Variants in PPM1L observed in about 807,000 individuals in gnomAD.
PPM1L encodes protein phosphatase 1L.
PPM1L carries 13 observed loss-of-function variants against 31.4 expected under a neutral mutation model. The ratio of observed to expected loss-of-function variants is 0.41; its 90% confidence interval spans 0.27 to 0.66. The LOEUF (loss-of-function observed/expected upper bound fraction) is 0.66, where lower values mean the gene tolerates loss of function less well. Among genes scored for constraint, PPM1L ranks in the 30% least tolerant of loss-of-function variants. PPM1L has a pLI of 0.29. For missense variants in PPM1L, 326 were observed against 453.7 expected, an observed-to-expected ratio of 0.72 and a Z score of 2.56; for synonymous variants, 184 against 175.4, an observed-to-expected ratio of 1.05 and a Z score of -0.39.
intron 1 of PPM1L, among the ~76,000 whole-genome samples, chr3:160,921,968 T>C (rs1714420065): frequency 6.6e-6 from 1 of 152,140 alleles, no homozygotes. Flanking sequence ...CATTTCTCAG[T>C]ATACAAAGGT....
chr3:161,015,850 C>T (rs558209673), intron 2 of PPM1L, among the ~76,000 whole-genome samples: 1 of 152,238 alleles, frequency 6.6e-6, no homozygotes, highest in Admixed American at 6.5e-5. Flanking sequence ...ACAGATGAGC[C>T]TTGTGACTTA....
At position 160,850,962 on chromosome 3, in the gene PPM1L, T is replaced by TC. The variant is rs550357524; in HGVS notation, c.399+94261dup. ...TTTTCCCATACTTGTCAGAGAGTAA[T>TC]CCCCCCACCCCACCTCCCTGTTTTC... On this transcript the variant is annotated intron_variant, in intron 1 of 3. Coordinates refer to ENST00000498165, the MANE Select transcript of PPM1L (RefSeq NM_139245.4). Among the ~76,000 whole-genome samples the TC allele has an allele frequency of 2.3e-4, 35 of 151,686 alleles. No individual in the cohort carries two copies. In the East Asian group the frequency reaches 2.5e-3, roughly 11 times the overall value.
chr3:161,013,606 C>G lies in PPM1L; in HGVS notation c.574+51696C>G, dbSNP rs1014990587. 1.7e-3 allele frequency among the ~76,000 whole-genome samples: 255 copies of G among 152,176 alleles called. 1 individual carries two copies. The highest frequency in any genetic ancestry group is 3.2e-4 in the Non-Finnish European group (22 of 68,004). ...TTAACTTTGTGTCTCGTTGATCTGT[C>G]TAATGTTGACAGTGGGGGGTTAAAG... On this transcript the variant is annotated intron_variant, in intron 2 of 3. Coordinates refer to ENST00000498165, the MANE Select transcript of PPM1L (RefSeq NM_139245.4).
intron 1 of PPM1L, among the ~76,000 whole-genome samples, chr3:160,924,637 A>G (rs998327093): frequency 1.3e-5 from 2 of 152,214 alleles, no homozygotes; most frequent in African/African-American, 2.4e-5. Flanking sequence ...TATAGTTGGT[A>G]CCTGAAAAAC....
At chr3:161,054,804 T>C (rs1719368574) in intron 2 of PPM1L, among the ~76,000 whole-genome samples, 1 of 152,180 alleles carries the variant, frequency 6.6e-6, no homozygotes, top group Non-Finnish European at 1.5e-5. Flanking sequence ...TGACGCATGG[T>C]GAATGCTCAG....
Position 161,038,233 on chromosome 3 carries a change from C to CAA in PPM1L, c.575-27152_575-27151dup, listed in dbSNP as rs71628440. ...TGGGCGACAGAGCGAGACTCCGTCTCAAAAAAAAAAAAAAAAAAATGTATG... is the reference window on the plus strand; with the variant it reads ...TGGGCGACAGAGCGAGACTCCGTCTCAAAAAAAAAAAAAAAAAAAAATGTATG... On this transcript the variant is annotated intron_variant, in intron 2 of 3. Coordinates refer to ENST00000498165, the MANE Select transcript of PPM1L (RefSeq NM_139245.4). Among the ~76,000 whole-genome samples, 209 of 88,960 alleles carry CAA rather than the reference C, an allele frequency of 2.3e-3. 8 individuals are homozygous for CAA. Among genetic ancestry groups the CAA allele is most frequent in the African/African-American group, 5.1e-3 (121 of 23,816 alleles). 58.4% of individuals were successfully genotyped at this position (88,960 alleles called of 152,430 possible). A position where few individuals can be genotyped will look rare whatever the true frequency, so the allele number is the denominator to read the frequency against.
chr3:160,896,514 A>G (rs1297670520), intron 1 of PPM1L, among the ~76,000 whole-genome samples: 1 of 152,162 alleles, frequency 6.6e-6, no homozygotes, highest in South Asian at 2.1e-4. Flanking sequence ...CGGCAAACCA[A>G]CTTTAAAGAT....
At chr3:160,919,197 A>T (rs1714301446) in intron 1 of PPM1L, among the ~76,000 whole-genome samples, 2 of 152,222 alleles carry the variant, frequency 1.3e-5, no homozygotes, top group South Asian at 4.1e-4. Flanking sequence ...CAGGTATTTT[A>T]ATGGTCTTTG....
chr3:160,869,027 A>G (rs898462916), intron 1 of PPM1L, among the ~76,000 whole-genome samples: 2 of 152,198 alleles, frequency 1.3e-5, no homozygotes, highest in Non-Finnish European at 1.5e-5. Context: ...GATCAGGTGT[A>G]TAAGGACTCT....
Position 160,993,340 on chromosome 3 carries a change from G to A in PPM1L, c.574+31430G>A, listed in dbSNP as rs866139364. On this transcript the variant is annotated intron_variant, in intron 2 of 3. Coordinates refer to ENST00000498165, the MANE Select transcript of PPM1L (RefSeq NM_139245.4). ...GAGCATCACTTTCTAATCTAGATTAGTCTCGAGTTTGATAAATTATCCTGA... is the reference window on the plus strand; with the variant it reads ...GAGCATCACTTTCTAATCTAGATTAATCTCGAGTTTGATAAATTATCCTGA... Among the ~76,000 whole-genome samples, 5 of 152,136 alleles carry A rather than the reference G, an allele frequency of 3.3e-5. No individual in the cohort carries two copies. In the South Asian group the frequency reaches 6.2e-4, roughly 19 times the overall value.
intron 1 of PPM1L, among the ~76,000 whole-genome samples, chr3:160,768,643 C>A (rs1038624801): frequency 6.6e-6 from 1 of 152,094 alleles, no homozygotes; most frequent in Non-Finnish European, 1.5e-5. Flanking sequence ...TGTCCTCTTA[C>A]AGATCGGTTG....
At chr3:160,825,178 A>G (rs1314608111) in intron 1 of PPM1L, among the ~76,000 whole-genome samples, 4 of 126,466 alleles carry the variant, frequency 3.2e-5, no homozygotes, top group Non-Finnish European at 6.5e-5. Flanking sequence ...ATAGATGGAT[A>G]AACAGATAGC....
At chr3:160,991,049 A>G (rs1717116744) in intron 2 of PPM1L, among the ~76,000 whole-genome samples, 1 of 151,664 alleles carries the variant, frequency 6.6e-6, no homozygotes, top group Non-Finnish European at 1.5e-5. Flanking sequence ...CACATATAAA[A>G]TACATTAATA....
rs185972350 is a variant in PPM1L, at chr3:161,039,870, T to C, written c.575-25533T>C. On this transcript the variant is annotated intron_variant, in intron 2 of 3. Coordinates refer to ENST00000498165, the MANE Select transcript of PPM1L (RefSeq NM_139245.4). ...ACTTCTTCCGTGTGGCAAATTTAGA[T>C]AGAAAGCATTGAAAGAACCTGCTTC... 8.1e-4 allele frequency among the ~76,000 whole-genome samples: 123 copies of C among 152,318 alleles called. 4 individuals are homozygous for C. The Middle Eastern group carries it at 0.01, about 13-fold the overall frequency.
intron 1 of PPM1L, among the ~76,000 whole-genome samples, chr3:160,819,672 A>G (rs1713133914): frequency 6.6e-6 from 1 of 152,018 alleles, no homozygotes; most frequent in Non-Finnish European, 1.5e-5. Context: ...TCAGTAAACA[A>G]AATAAGTTTT....
Position 160,756,588 on chromosome 3 carries a change from G to A in PPM1L, c.280G>A (p.Ala94Thr). The change falls in exon 1 of 4, where the codon GCG becomes ACG. Residue 94 changes from alanine to threonine, a missense_variant. Ala to Thr is a moderately conservative substitution (Grantham distance 58). This residue lies in a region of PPM1L where 83 missense variants were observed against 79.4 expected (regional missense o/e 1.04). Transcript: ENST00000498165. This position sits in a 1 kb window ranked among gnomAD's most constrained non-coding sequence, Gnocchi z 6.2. ...CTGGGAGTTCAAGAACCACAACGTG[G>A]CGGTGTACTCCATCCAGGGCCGGAG... is the stretch of plus-strand genomic sequence containing the variant. ...KTWEFKNHNV[A>T]VYSIQGRRDH... 6.2e-7 allele frequency: 1 copy of A among 1,614,126 alleles called. No homozygotes were observed. The highest frequency in any genetic ancestry group is 8.5e-7 in the Non-Finnish European group (1 of 1,180,022).
intron 1 of PPM1L, among the ~76,000 whole-genome samples, chr3:160,945,550 G>T (rs1229181779): frequency 6.6e-6 from 1 of 152,074 alleles, no homozygotes; most frequent in Admixed American, 6.6e-5. Context: ...GCATTGTTTT[G>T]ATCTGTCCTA....
At chr3:160,891,445 G>C (rs1713136752) in intron 1 of PPM1L, among the ~76,000 whole-genome samples, 2 of 152,056 alleles carry the variant, frequency 1.3e-5, no homozygotes, top group African/African-American at 2.4e-5. Context: ...ACCATAATGA[G>C]ATACCATCTC....
At chr3:160,857,851 C>T (rs1295497600) in intron 1 of PPM1L, among the ~76,000 whole-genome samples, 2 of 152,154 alleles carry the variant, frequency 1.3e-5, no homozygotes, top group Admixed American at 6.5e-5. Context: ...TCATCCTTGT[C>T]TCTCAATCTC....
Sources: allele counts gnomAD v4.1 joint callset (sites outside exome capture counted in the v4.1 genomes callset), GRCh38; gene constraint gnomAD v4.1.1; regional missense constraint gnomAD v4.1.1; non-coding constraint Gnocchi (gnomAD v3.1); transcripts MANE v1.5; gene names NCBI Gene and HGNC (gene_info 2026-07-23, HGNC 2026-07-21).